The following GPHN variants were observed in gnomAD, a reference collection of about 807,000 sequenced individuals.
GPHN encodes gephyrin.
Under a neutral mutation model 95.5 loss-of-function variants are expected in GPHN, and 17 were observed. That is an observed-to-expected ratio of 0.18 (90% CI 0.12 to 0.27). GPHN has a LOEUF of 0.27. GPHN is among the 10% of genes least tolerant of loss of function. GPHN has a pLI of 1.00. For missense variants in GPHN, 660 were observed against 978.1 expected (o/e 0.67, Z 4.34); for synonymous variants, 320 against 322.5 (o/e 0.99, Z 0.08).
At chr14:67,525,101 C>T in the GPHN span, among the ~76,000 whole-genome samples, 2 of 152,148 alleles carry the variant, frequency 1.3e-5, no homozygotes, top group Admixed American at 6.6e-5. Context: ...ATTCATACTC[C>T]TTGTAAAATG....
At chr14:67,586,168 T>A in the GPHN span, 1 of 1,541,964 alleles carries the variant, frequency 6.5e-7, no homozygotes, top group Non-Finnish European at 8.9e-7. Flanking sequence ...GAAAGGAAAC[T>A]GGGGTTATGC....
chr14:67,559,569 G>C, the GPHN span: 1 of 1,406,166 alleles, frequency 7.1e-7, no homozygotes, highest in Non-Finnish European at 9.9e-7. Flanking sequence ...CTCTCCTGGT[G>C]ATTGTTGGGA....
intron 17 of GPHN, chr14:67,142,990 A>G (rs1465036012): frequency 6.5e-6 from 2 of 308,548 alleles, no homozygotes; most frequent in East Asian, 8.0e-5. Flanking sequence ...CAGGTAACCA[A>G]TTGTCCAGGA....
At chr14:67,146,144 A>G (rs1331981273) in intron 18 of GPHN, among the ~76,000 whole-genome samples, 1 of 152,176 alleles carries the variant, frequency 6.6e-6, no homozygotes, top group Non-Finnish European at 1.5e-5. Context: ...CTTTGGGTGT[A>G]TTTCACAGCC....
intron 1 of GPHN, among the ~76,000 whole-genome samples, chr14:66,642,603 T>C (rs1235355448): frequency 1.3e-5 from 2 of 150,998 alleles, no homozygotes; most frequent in African/African-American, 2.4e-5. Context: ...TTAGCTGAGC[T>C]AACCTGGATT....
intron 5 of GPHN, among the ~76,000 whole-genome samples, chr14:66,907,922 A>C (rs893143098): frequency 7.2e-5 from 11 of 152,168 alleles, no homozygotes; most frequent in Admixed American, 5.2e-4. Flanking sequence ...AGAATGATCC[A>C]TGTGATCCTA....
intron 1 of GPHN, among the ~76,000 whole-genome samples, chr14:66,598,716 A>G (rs2062089085): frequency 6.6e-6 from 1 of 151,974 alleles, no homozygotes; most frequent in Non-Finnish European, 1.5e-5. Flanking sequence ...GTGGTGGCGC[A>G]TGCGTGTAAT....
chr14:67,601,348 G>A, the GPHN span, among the ~76,000 whole-genome samples: 15 of 152,130 alleles, frequency 9.9e-5, no homozygotes, highest in African/African-American at 3.1e-4. Context: ...ACAGTTGGAA[G>A]CTGGGGAGGC....
At chr14:66,724,199 G>T (rs1440992325) in intron 2 of GPHN, among the ~76,000 whole-genome samples, 1 of 152,102 alleles carries the variant, frequency 6.6e-6, no homozygotes, top group Non-Finnish European at 1.5e-5. Flanking sequence ...TACTCAATAT[G>T]AGGACCAGTG....
At chr14:67,520,807 T>C in the GPHN span, among the ~76,000 whole-genome samples, 1 of 152,250 alleles carries the variant, frequency 6.6e-6, no homozygotes, top group Non-Finnish European at 1.5e-5. Context: ...GACATAAATT[T>C]CCAACTCCTT....
chr14:66,892,743 A>G (rs1269506019), intron 5 of GPHN, among the ~76,000 whole-genome samples: 2 of 152,194 alleles, frequency 1.3e-5, no homozygotes, highest in African/African-American at 4.8e-5. Context: ...AACAGTGCTT[A>G]TGAGTGGATA....
intron 1 of GPHN, among the ~76,000 whole-genome samples, chr14:66,521,600 G>A (rs371311621): frequency 6.6e-6 from 1 of 152,172 alleles, no homozygotes; most frequent in Non-Finnish European, 1.5e-5. Flanking sequence ...CAGGGACAAT[G>A]CCTTCTTAAC....
the GPHN span, among the ~76,000 whole-genome samples, chr14:67,401,229 G>A: frequency 6.6e-6 from 1 of 152,146 alleles, no homozygotes; most frequent in African/African-American, 2.4e-5. Flanking sequence ...GCTCAGGCCT[G>A]TAATCCCAGG....
the GPHN span, among the ~76,000 whole-genome samples, chr14:67,396,449 C>T: frequency 2.0e-4 from 30 of 151,870 alleles, 1 homozygote; most frequent in Admixed American, 1.8e-3. Flanking sequence ...CGCCTGGCCT[C>T]TAAGAGAGTT....
intron 18 of GPHN, among the ~76,000 whole-genome samples, chr14:67,158,766 T>C (rs997343529): frequency 3.3e-5 from 5 of 152,184 alleles, no homozygotes; most frequent in African/African-American, 4.8e-5. Flanking sequence ...AGCCACAGGT[T>C]AGTTTTGTTT....
chr14:66,982,676 T>G (rs1310262302), intron 9 of GPHN, among the ~76,000 whole-genome samples: 1 of 152,196 alleles, frequency 6.6e-6, no homozygotes, highest in Non-Finnish European at 1.5e-5. Flanking sequence ...TAAATTTTGA[T>G]TATCAATATA....
chr14:67,610,281 T>C, the GPHN span, among the ~76,000 whole-genome samples: 1 of 152,158 alleles, frequency 6.6e-6, no homozygotes, highest in East Asian at 1.9e-4. Context: ...GTTTTTGTTG[T>C]TTTTTGTTTT....
the GPHN span, chr14:67,592,876 C>T: frequency 2.7e-5 from 14 of 522,436 alleles, no homozygotes; most frequent in Admixed American, 1.3e-4. Flanking sequence ...ACCTCTACCT[C>T]CCAGGTTCAA....
the GPHN span, chr14:67,562,918 GC>G: frequency 6.3e-7 from 1 of 1,599,174 alleles, no homozygotes; most frequent in Non-Finnish European, 8.5e-7. Flanking sequence ...TCCGGGCTGG[GC>G]AGAGGAGCAG....
Sources: gnomAD v4.1 joint callset for allele counts (sites outside exome capture counted in the v4.1 genomes callset) on GRCh38, gnomAD v4.1.1 for gene constraint, MANE v1.5 for transcripts, NCBI Gene and HGNC (gene_info 2026-07-23, HGNC 2026-07-21) for gene names.